The following USP36 variants were observed in gnomAD, a reference collection of about 807,000 sequenced individuals.
The protein encoded by USP36 is ubiquitin carboxyl-terminal hydrolase 36.
In USP36, 59 loss-of-function variants were observed where a neutral mutation model predicts 111.5. The observed-to-expected ratio is 0.53, with a 90% CI of 0.43 to 0.66. USP36 has a LOEUF of 0.66. USP36 is among the 30% of genes least tolerant of loss of function. The pLI is 0.00. For missense variants in USP36, 1,488 were observed against 1,468.0 expected (o/e 1.01, Z -0.22); for synonymous variants, 628 against 581.0 (o/e 1.08, Z -1.16).
In USP36 at chr17:78,821,849, A is replaced by G. The variant is rs143301368; in HGVS notation, c.757+88T>C. 738 of 1,481,760 alleles carry G rather than the reference A, an allele frequency of 5.0e-4. 8 individuals carry two copies. The African/African-American group carries it at 9.2e-3, about 18-fold the overall frequency. The allele number at this position is 1,481,760 out of a possible 1,614,324, so 91.8% of individuals were successfully genotyped here. ...ACCCAGGTCTGCACAGCGAAGAAAG[A>G]GCCCCAGCCTGCGTTCCAACTCTTA... On this transcript the variant is annotated intron_variant, in intron 7 of 20. Transcript: ENST00000449938.
intron 7 of USP36, 98 bp from the exon 8 acceptor site, chr17:78,821,159 G>C: frequency 8.2e-7 from 1 of 1,222,722 alleles, no homozygotes; most frequent in African/African-American, 1.5e-5. Flanking sequence ...TCTCAGCAGG[G>C]CTTTGGCCAA....
downstream of USP36, among the ~76,000 whole-genome samples, chr17:78,791,459 T>C (rs890258378): frequency 4.6e-5 from 7 of 152,170 alleles, no homozygotes; most frequent in Non-Finnish European, 7.3e-5. Context: ...CAAACCTGAC[T>C]CCAGCCTGAC....
At position 78,795,673 on chromosome 17, in the gene USP36, T is replaced by C. The variant is rs2093618092; in HGVS notation, c.*2227A>G. On this transcript the variant is annotated 3_prime_UTR_variant, in exon 21 of 21. Coordinates refer to ENST00000449938, the MANE Select transcript of USP36 (RefSeq NM_001385174.1). This position sits in a 1 kb window ranked among gnomAD's most constrained non-coding sequence, Gnocchi z 4.5. ...GAACTCACAAAACCGGAGTATTTTA[T>C]TGCACCAAGATCTTGGCAACACGTG... The C allele has an allele frequency of 6.6e-6, 1 of 152,036 alleles. No homozygotes were observed. The highest frequency in any genetic ancestry group is 6.5e-5 in the Admixed American group (1 of 15,276). The allele number at this position is 152,036 out of a possible 1,614,324, so 9.4% of individuals were successfully genotyped here.
downstream of USP36, among the ~76,000 whole-genome samples, chr17:78,793,778 G>A (rs934918908): frequency 3.3e-5 from 5 of 152,148 alleles, no homozygotes; most frequent in Non-Finnish European, 7.4e-5. Context: ...AGCCCTAACA[G>A]TATGTTAGGG....
downstream of USP36, among the ~76,000 whole-genome samples, chr17:78,792,420 G>A (rs114907107): frequency 2.4e-4 from 37 of 152,188 alleles, no homozygotes; most frequent in African/African-American, 8.4e-4. Flanking sequence ...CACAGAGGAT[G>A]GGGAACAGCC....
intron 4 of USP36, among the ~76,000 whole-genome samples, chr17:78,834,997 G>GTGTGTATATATATATATATATATA (rs968867639): frequency 1.5e-4 from 21 of 141,390 alleles, no homozygotes; most frequent in African/African-American, 5.0e-4. Context: ...AATAATATTT[G>GTGTGTATATATATATATATATATA]TATATATATA....
In USP36 at chr17:78,820,985, C is replaced by G; in HGVS notation, c.828+6G>C. ...TGCAAAAGTGAAGGGCAGGACAGATCTGTACCCGGATCTCCAGCGCGACGT... is the reference window on the plus strand; with the variant it reads ...TGCAAAAGTGAAGGGCAGGACAGATGTGTACCCGGATCTCCAGCGCGACGT... On this transcript the variant is annotated splice_donor_region_variant and intron_variant, in intron 8 of 20. Coordinates refer to ENST00000449938, the MANE Select transcript of USP36 (RefSeq NM_001385174.1). The G allele has an allele frequency of 6.2e-7, 1 of 1,606,850 alleles. No homozygotes were observed. Among genetic ancestry groups the G allele is most frequent in the Non-Finnish European group, 8.5e-7 (1 of 1,176,484 alleles).
In USP36 at chr17:78,820,996, T is replaced by C. The variant is rs781132569; in HGVS notation, c.823A>G (p.Ile275Val). ...YDPYLDVALE[I>V]RQAANIVRAL... Reference sequence around the variant, plus strand: ...AGGGCAGGACAGATCTGTACCCGGATCTCCAGCGCGACGTCCAAGTAGGGG... The same window carrying C: ...AGGGCAGGACAGATCTGTACCCGGACCTCCAGCGCGACGTCCAAGTAGGGG... Residue 275 changes from isoleucine to valine, a missense_variant, in exon 8 of 21, where the codon ATC (isoleucine) becomes GTC (valine). Coordinates refer to ENST00000449938, the MANE Select transcript of USP36 (RefSeq NM_001385174.1). The C allele has an allele frequency of 6.2e-7, 1 of 1,608,294 alleles. No individual in the cohort carries two copies. Among genetic ancestry groups the C allele is most frequent in the Non-Finnish European group, 8.5e-7 (1 of 1,177,354 alleles).
chr17:78,819,377 G>A (rs2094264420), intron 9 of USP36, among the ~76,000 whole-genome samples: 1 of 152,214 alleles, frequency 6.6e-6, no homozygotes, highest in Non-Finnish European at 1.5e-5. Flanking sequence ...TTCGAGACCA[G>A]CCTGGCCAAC....
At chr17:78,806,811 G>T in intron 14 of USP36, 148 bp downstream of exon 14, 2 of 1,143,832 alleles carry the variant, frequency 1.7e-6, no homozygotes, top group Non-Finnish European at 2.5e-6. Context: ...AATTGCAAAT[G>T]GCTGGGAACG....
At chr17:78,815,769 AAAAT>A (rs993066330) in intron 10 of USP36, among the ~76,000 whole-genome samples, 62 of 152,362 alleles carry the variant, frequency 4.1e-4, no homozygotes, top group African/African-American at 1.4e-3. Flanking sequence ...ATGCACGCAT[AAAAT>A]ACATGCACAC....
At chr17:78,814,611 T>G in intron 10 of USP36, 59 bp from the exon 11 acceptor site, 1 of 1,578,846 alleles carries the variant, frequency 6.3e-7, no homozygotes, top group African/African-American at 1.3e-5. Context: ...AAGATCAATT[T>G]GCCCTTTCCA....
chr17:78,789,145 C>G (rs531576284), intron 3 of USP36, among the ~76,000 whole-genome samples: 5 of 136,724 alleles, frequency 3.7e-5, no homozygotes, highest in African/African-American at 1.1e-4. Flanking sequence ...TGCAGTGAGT[C>G]GAGATTGCGC....
In USP36 at chr17:78,823,025, C is replaced by T. The variant is rs1410610838; in HGVS notation, c.690-1021G>A. ...CTCTCTCCACGTTTCCCACGGCCAC[C>T]CAGACCATTCCACACCCGCAGGCTA... On this transcript the variant is annotated intron_variant, in intron 6 of 20. Coordinates refer to ENST00000449938, the MANE Select transcript of USP36 (RefSeq NM_001385174.1). 7.5e-6 allele frequency: 3 copies of T among 398,318 alleles called. No homozygotes were observed. The Admixed American group carries it at 1.3e-4, about 18-fold the overall frequency. The allele number at this position is 398,318 out of a possible 1,614,324, so 24.7% of individuals were successfully genotyped here. A position where few individuals can be genotyped will look rare whatever the true frequency, so the allele number is the denominator to read the frequency against.
rs2068624258 is a variant in USP36 at position 78,835,937 on chromosome 17, G to A, written c.253+174C>T. On this transcript the variant is annotated intron_variant, in intron 3 of 20. Coordinates refer to ENST00000449938, the MANE Select transcript of USP36 (RefSeq NM_001385174.1). ...ATCCACCAAGCACACAGATTTCCTT[G>A]CTACCAACCCTGTATCATTACTTCT... is the stretch of plus-strand genomic sequence containing the variant. 20 of 941,660 alleles carry A rather than the reference G, an allele frequency of 2.1e-5. 1 individual carries two copies. In the South Asian group the frequency reaches 3.6e-4, roughly 17 times the overall value. The allele number at this position is 941,660 out of a possible 1,614,324, so 58.3% of individuals were successfully genotyped here.
intron 6 of USP36, chr17:78,823,033 T>C: frequency 5.0e-6 from 2 of 398,010 alleles, no homozygotes; most frequent in Non-Finnish European, 8.9e-6. Flanking sequence ...ACCCAGACCA[T>C]TCCACACCCG....
At chr17:78,825,112 T>C (rs1018634506) in intron 6 of USP36, among the ~76,000 whole-genome samples, 1 of 151,974 alleles carries the variant, frequency 6.6e-6, no homozygotes, top group Non-Finnish European at 1.5e-5. Context: ...CACATGGATA[T>C]AGAAAATGAA....
chr17:78,799,821 G>A, intron 17 of USP36, 53 bp from the exon 18 acceptor site: 1 of 1,378,162 alleles, frequency 7.3e-7, no homozygotes, highest in Non-Finnish European at 9.9e-7. Flanking sequence ...TAACCCACTG[G>A]GGAAGCAATC....
At chr17:78,834,877 A>G (rs905237796) in intron 4 of USP36, among the ~76,000 whole-genome samples, 7 of 152,006 alleles carry the variant, frequency 4.6e-5, no homozygotes, top group Non-Finnish European at 1.0e-4. Context: ...GCACTTTGGG[A>G]GGCTGAGATG....
Sources: allele counts gnomAD v4.1 joint callset (sites outside exome capture counted in the v4.1 genomes callset), GRCh38; gene constraint gnomAD v4.1.1; non-coding constraint Gnocchi (gnomAD v3.1); transcripts MANE v1.5; gene names NCBI Gene and HGNC (gene_info 2026-07-23, HGNC 2026-07-21).